Variants in OLA1 observed in about 807,000 individuals in gnomAD.
OLA1 encodes Obg like ATPase 1.
OLA1 carries 14 observed loss-of-function variants against 48.4 expected under a neutral mutation model. The ratio of observed to expected loss-of-function variants is 0.29; its 90% confidence interval spans 0.19 to 0.45. The LOEUF (loss-of-function observed/expected upper bound fraction) is 0.45, where lower values mean the gene tolerates loss of function less well. Ranked by LOEUF, OLA1 falls within the 20% of genes least tolerant of loss-of-function variation. The pLI is 1.00. For missense variants in OLA1, 325 were observed against 467.1 expected, an observed-to-expected ratio of 0.70 and a Z score of 2.80; for synonymous variants, 127 against 150.4, an observed-to-expected ratio of 0.84 and a Z score of 1.14.
chr2:174,133,591 C>T (rs1052905714), intron 5 of OLA1, among the ~76,000 whole-genome samples: 1 of 152,104 alleles, frequency 6.6e-6, no homozygotes, highest in African/African-American at 2.4e-5. Flanking sequence ...AGCAATCCAC[C>T]CCCTCAGCCT....
At chr2:174,163,747 T>TATATAA (rs1687081672) in intron 4 of OLA1, among the ~76,000 whole-genome samples, 1 of 42,414 alleles carries the variant, frequency 2.4e-5, no homozygotes, top group Non-Finnish European at 4.7e-5. Flanking sequence ...TATATATATA[T>TATATAA]ATATATATAT....
chr2:174,166,135 A>C (rs1169816499), intron 4 of OLA1, among the ~76,000 whole-genome samples: 2 of 152,046 alleles, frequency 1.3e-5, no homozygotes, highest in Admixed American at 6.5e-5. Flanking sequence ...AAAAAAAAAA[A>C]AAACCTCAAA....
intron 9 of OLA1, among the ~76,000 whole-genome samples, chr2:174,079,921 A>G (rs1157755905): frequency 6.6e-6 from 1 of 152,004 alleles, no homozygotes; most frequent in Non-Finnish European, 1.5e-5. Context: ...GGATACTTAC[A>G]ATCAGTCTTA....
intron 4 of OLA1, among the ~76,000 whole-genome samples, chr2:174,153,423 A>C (rs1036093054): frequency 6.6e-6 from 1 of 152,194 alleles, no homozygotes; most frequent in Admixed American, 6.5e-5. Context: ...AGACATGAAA[A>C]ACATTAAAAT....
intron 4 of OLA1, among the ~76,000 whole-genome samples, chr2:174,163,552 G>A (rs1574520086): frequency 1.3e-5 from 2 of 151,192 alleles, no homozygotes. Flanking sequence ...AGCCGGGCAT[G>A]GTGGCAGGCA....
At chr2:174,148,842 C>G (rs952328713) in intron 4 of OLA1, among the ~76,000 whole-genome samples, 2 of 152,192 alleles carry the variant, frequency 1.3e-5, no homozygotes, top group Non-Finnish European at 1.5e-5. Context: ...ATTAGCCCCT[C>G]CCAAGGAAGT....
intron 5 of OLA1, among the ~76,000 whole-genome samples, chr2:174,124,717 C>T (rs1686007573): frequency 6.6e-6 from 1 of 152,152 alleles, no homozygotes; most frequent in African/African-American, 2.4e-5. Flanking sequence ...TTTATTGTAA[C>T]ACAATTATTA....
intron 7 of OLA1, among the ~76,000 whole-genome samples, chr2:174,119,361 G>A (rs1277000602): frequency 2.0e-5 from 3 of 152,030 alleles, no homozygotes; most frequent in Non-Finnish European, 2.9e-5. Flanking sequence ...GAATGTCTGT[G>A]TTATATTTCT....
rs1687087139 is a variant in OLA1 at position 174,163,766 on chromosome 2, AT to A, written c.374-21767del. Among the ~76,000 whole-genome samples the A allele has an allele frequency of 1.1e-4, 3 of 28,230 alleles. 1 individual carries two copies. The highest frequency in any genetic ancestry group is 1.4e-4 in the African/African-American group (1 of 7,194). The allele number at this position is 28,230 out of a possible 152,430, so 18.5% of individuals were successfully genotyped here. A position where few individuals can be genotyped will look rare whatever the true frequency, so the allele number is the denominator to read the frequency against. ...TATATATATATATATATATATATAT[AT>A]ATATATATAAATAAATGTTTGGGTG... On this transcript the variant is annotated intron_variant, in intron 4 of 10. Transcript: ENST00000284719.
intron 4 of OLA1, among the ~76,000 whole-genome samples, chr2:174,149,054 C>T (rs1686681884): frequency 6.7e-6 from 1 of 150,054 alleles, no homozygotes; most frequent in South Asian, 2.3e-4. Context: ...CAGTTCAGAG[C>T]CAAGCTTCTT....
intron 5 of OLA1, among the ~76,000 whole-genome samples, chr2:174,127,373 A>G (rs1216664571): frequency 6.6e-6 from 1 of 152,194 alleles, no homozygotes; most frequent in Non-Finnish European, 1.5e-5. Flanking sequence ...GAGAAATTCA[A>G]TATTCTTATT....
chr2:174,173,692 G>GAA lies in OLA1; in HGVS notation c.374-31694_374-31693dup, dbSNP rs35762279. Among the ~76,000 whole-genome samples, 453 of 150,116 alleles carry GAA rather than the reference G, an allele frequency of 3.0e-3. 3 individuals are homozygous for GAA. Among genetic ancestry groups the GAA allele is most frequent in the African/African-American group, 9.6e-3 (393 of 40,990 alleles). On this transcript the variant is annotated intron_variant, in intron 4 of 10. Transcript: ENST00000284719. ...ACTGGTGAAATAGGAAATGAACAAA[G>GAA]AAAAAAAAATCAGTGAAACCCATAG...
intron 7 of OLA1, among the ~76,000 whole-genome samples, chr2:174,084,537 T>C (rs1684925078): frequency 6.6e-6 from 1 of 152,238 alleles, no homozygotes; most frequent in Non-Finnish European, 1.5e-5. Flanking sequence ...ATTAAAAATA[T>C]TATTTGATTT....
chr2:174,228,560 A>G (rs1044002460), intron 3 of OLA1, among the ~76,000 whole-genome samples: 1 of 152,124 alleles, frequency 6.6e-6, no homozygotes, highest in Non-Finnish European at 1.5e-5. Flanking sequence ...ATGAACTTAA[A>G]CTATCTCACT....
intron 4 of OLA1, among the ~76,000 whole-genome samples, chr2:174,144,946 A>ATAT (rs1265909369): frequency 1.3e-5 from 1 of 76,906 alleles, no homozygotes; most frequent in Non-Finnish European, 2.6e-5. Context: ...AAAAAAAAAA[A>ATAT]AAAAAATATA....
In OLA1 at chr2:174,214,320, G is replaced by A. The variant is rs182106407; in HGVS notation, c.373+8713C>T. Among the ~76,000 whole-genome samples the A allele has an allele frequency of 3.8e-3, 577 of 152,212 alleles. 1 individual carries two copies. Among genetic ancestry groups the A allele is most frequent in the Non-Finnish European group, 5.9e-3 (403 of 68,010 alleles). On this transcript the variant is annotated intron_variant, in intron 4 of 10. Coordinates refer to ENST00000284719, the MANE Select transcript of OLA1 (RefSeq NM_013341.5). ...TGCACTCCAGCCTGGGCAACAGAGA[G>A]AGACTCCGCCTCAAAAAAATAAATA...
At chr2:174,133,833 T>C (rs1413818995) in intron 5 of OLA1, among the ~76,000 whole-genome samples, 1 of 152,208 alleles carries the variant, frequency 6.6e-6, no homozygotes, top group African/African-American at 2.4e-5. Context: ...TACTAAAGCA[T>C]TTCATGCACT....
At chr2:174,231,380 C>A (rs1688725174) in intron 2 of OLA1, among the ~76,000 whole-genome samples, 1 of 151,932 alleles carries the variant, frequency 6.6e-6, no homozygotes, top group South Asian at 2.1e-4. Flanking sequence ...GTTATGAAGA[C>A]AAAATAAAAT....
At chr2:174,225,660 C>T (rs116697762) in intron 3 of OLA1, among the ~76,000 whole-genome samples, 1,694 of 152,232 alleles carry the variant, frequency 0.011, 34 homozygotes, top group African/African-American at 0.039. Context: ...TATAAATTAC[C>T]CAGCCTCAGG....
Sources: gnomAD v4.1 joint callset for allele counts (sites outside exome capture counted in the v4.1 genomes callset) on GRCh38, gnomAD v4.1.1 for gene constraint, MANE v1.5 for transcripts, NCBI Gene and HGNC (gene_info 2026-07-23, HGNC 2026-07-21) for gene names.